CEP250: variants seen among roughly 807,000 people sequenced by gnomAD.
CEP250 encodes centrosome-associated protein CEP250.
In CEP250, 242 loss-of-function variants were observed where a neutral mutation model predicts 315.7. That is an observed-to-expected ratio of 0.77 (90% CI 0.69 to 0.85). CEP250 has a LOEUF of 0.85. Ranked by LOEUF, CEP250 falls within the 40% of genes least tolerant of loss-of-function variation. The pLI is 0.00. For missense variants in CEP250, 2,515 were observed against 2,886.4 expected (o/e 0.87, Z 2.95); for synonymous variants, 1,088 against 1,175.0 (o/e 0.93, Z 1.51).
At chr20:35,508,317 GTTT>G in intron 32 of CEP250, 127 bp downstream of exon 32, 2 of 838,000 alleles carry the variant, frequency 2.4e-6, no homozygotes, top group Non-Finnish European at 3.5e-6. Context: ...AATTAAGTTT[GTTT>G]TTTTTTTTCC....
At position 35,478,871 on chromosome 20, in the gene CEP250, A is replaced by C. The variant is rs2063252462; in HGVS notation, c.2095-360A>C. Reference sequence around the variant, plus strand: ...TCAAAGGTCATCTTTCTCCTCTACAAAACCTCTCATTGTCCTAATAATTGT... The same window carrying C: ...TCAAAGGTCATCTTTCTCCTCTACACAACCTCTCATTGTCCTAATAATTGT... On this transcript the variant is annotated intron_variant, in intron 17 of 34. Transcript: ENST00000397527. Among the ~76,000 whole-genome samples the C allele has an allele frequency of 2.0e-5, 3 of 152,070 alleles. No homozygotes were observed. In the South Asian group the frequency reaches 6.2e-4, roughly 32 times the overall value.
intron 9 of CEP250, 66 bp downstream of exon 9, chr20:35,467,621 G>A (rs988345278): frequency 1.3e-6 from 2 of 1,528,782 alleles, no homozygotes; most frequent in Admixed American, 1.9e-5. Context: ...GAGGGTTAGG[G>A]ACAGGCAGGG....
At chr20:35,472,009 T>G in intron 10 of CEP250, 41 bp from the exon 11 acceptor site, 1 of 1,205,408 alleles carries the variant, frequency 8.3e-7, no homozygotes, top group Non-Finnish European at 1.2e-6. Context: ...AATTCACTTT[T>G]GAGAGTTTGG....
At chr20:35,462,958 G>T (rs937615464) in intron 4 of CEP250, among the ~76,000 whole-genome samples, 5 of 152,062 alleles carry the variant, frequency 3.3e-5, no homozygotes. Context: ...AATTCACAAG[G>T]GTTAAGTTAA....
At chr20:35,472,007 T>C (rs1417085436) in intron 10 of CEP250, 43 bp from the exon 11 acceptor site, 2 of 1,192,942 alleles carry the variant, frequency 1.7e-6, no homozygotes, top group East Asian at 2.3e-5. Context: ...TAAATTCACT[T>C]TTGAGAGTTT....
In CEP250 at chr20:35,502,577, A is replaced by C. The variant is rs1317802177; in HGVS notation, c.4208A>C (p.Gln1403Pro). 2.5e-6 allele frequency: 4 copies of C among 1,614,244 alleles called. No homozygotes were observed. The highest frequency in any genetic ancestry group is 1.7e-5 in the Admixed American group (1 of 60,022). Residue 1403 changes from glutamine to proline, a missense_variant, in exon 30 of 35, where the codon CAG becomes CCG. Coordinates refer to ENST00000397527, the MANE Select transcript of CEP250 (RefSeq NM_007186.6). ...EEVESERERA[Q>P]ALQEQGELKV... ...GTAGAGAGTGAGCGTGAGAGAGCCC[A>C]GGCTCTGCAAGAGCAGGGCGAACTG...
Position 35,511,770 on chromosome 20 carries a change from G to A in CEP250, c.*144G>A, listed in dbSNP as rs1334783842. ...CGGCGGGTGTTCCCAGGAAGAGGAA[G>A]TAAATCTGCAACCCTGGGGAGGACC... On this transcript the variant is annotated 3_prime_UTR_variant, in exon 35 of 35. Transcript: ENST00000397527. The A allele has an allele frequency of 2.8e-6, 4 of 1,425,950 alleles. No individual in the cohort carries two copies. Among genetic ancestry groups the A allele is most frequent in the Non-Finnish European group, 3.7e-6 (4 of 1,093,548 alleles). The allele number at this position is 1,425,950 out of a possible 1,614,324, so 88.3% of individuals were successfully genotyped here.
chr20:35,467,239 G>C, intron 8 of CEP250, 65 bp from the exon 9 acceptor site: 1 of 1,563,372 alleles, frequency 6.4e-7, no homozygotes, highest in Non-Finnish European at 8.7e-7. Context: ...GCTTCACTGG[G>C]CCTGATCACC....
Position 35,515,240 on chromosome 20 carries a change from G to A in CEP250, c.*3614G>A, listed in dbSNP as rs1354464458. On this transcript the variant is annotated 3_prime_UTR_variant, in exon 35 of 35. Coordinates refer to ENST00000397527, the MANE Select transcript of CEP250 (RefSeq NM_007186.6). The stretch of plus-strand genomic sequence containing the variant: ...ACTCACCCCTGGTTCCAGTACCAAG[G>A]AAAGGCTGGAGCCATTGCAACTGGA... The A allele has an allele frequency of 6.6e-6, 1 of 152,380 alleles. No individual in the cohort carries two copies. Among genetic ancestry groups the A allele is most frequent in the Non-Finnish European group, 1.5e-5 (1 of 68,190 alleles). The allele number at this position is 152,380 out of a possible 1,614,324, so 9.4% of individuals were successfully genotyped here.
chr20:35,466,892 GGAATC>G, intron 7 of CEP250, 69 bp from the exon 8 acceptor site: 2 of 884,064 alleles, frequency 2.3e-6, no homozygotes, highest in Non-Finnish European at 3.8e-6. Context: ...GTAGTCAGGA[GGAATC>G]CAAGACTCTT....
chr20:35,465,695 G>C, intron 5 of CEP250, 48 bp from the exon 6 acceptor site: 1 of 1,410,632 alleles, frequency 7.1e-7, no homozygotes, highest in Non-Finnish European at 9.7e-7. Context: ...ACTGGTCTGA[G>C]TGATGTTCTC....
At position 35,462,344 on chromosome 20, in the gene CEP250, G is replaced by A. The variant is rs780133224; in HGVS notation, c.-24G>A. ...ACACCCTCTGGCTACCTAGGGACCT[G>A]TGGGCCTACCACCTGGTGCCCTCAT... On this transcript the variant is annotated 5_prime_UTR_variant, in exon 4 of 35. In the 5' UTR this introduces an upstream ATG that the reference lacks. Coordinates refer to ENST00000397527, the MANE Select transcript of CEP250 (RefSeq NM_007186.6). The A allele has an allele frequency of 1.3e-6, 2 of 1,553,506 alleles. No individual in the cohort carries two copies. The highest frequency in any genetic ancestry group is 2.4e-5 in the South Asian group (2 of 85,008).
intron 27 of CEP250, 84 bp from the exon 28 acceptor site, chr20:35,499,965 C>A: frequency 6.4e-7 from 1 of 1,563,928 alleles, no homozygotes; most frequent in Non-Finnish European, 8.7e-7. Flanking sequence ...ACCACAGAAG[C>A]TGAGAATGAG....
In CEP250 at chr20:35,482,531, G is replaced by A. The variant is rs571975972; in HGVS notation, c.2586+2386G>A. Among the ~76,000 whole-genome samples the A allele has an allele frequency of 1.8e-4, 27 of 148,300 alleles. No homozygotes were observed. In the South Asian group the frequency reaches 5.0e-3, roughly 27 times the overall value. On this transcript the variant is annotated intron_variant, in intron 20 of 34. Transcript: ENST00000397527. ...TGGGATTACAGGCGTGAGCCACCGT[G>A]CCCGGCTATTTATTTTTTTATATTT...
Position 35,468,875 on chromosome 20 carries a change from CTA to C in CEP250, c.852-1013_852-1012del, listed in dbSNP as rs1380899097. ...ATTTTTTTGTAGAGACGGGGTCTCACTATGTTTCCCAGGCCGGTCTGGAACTC... is the reference window on the plus strand; with the variant it reads ...ATTTTTTTGTAGAGACGGGGTCTCACTGTTTCCCAGGCCGGTCTGGAACTC... On this transcript the variant is annotated intron_variant, in intron 9 of 34. Coordinates refer to ENST00000397527, the MANE Select transcript of CEP250 (RefSeq NM_007186.6). 2.6e-5 allele frequency among the ~76,000 whole-genome samples: 4 copies of C among 151,960 alleles called. No homozygotes were observed. The East Asian group carries it at 7.8e-4, about 29-fold the overall frequency.
At chr20:35,466,909 T>C (rs112836240) in intron 7 of CEP250, 57 bp from the exon 8 acceptor site, 15 of 1,095,352 alleles carry the variant, frequency 1.4e-5, no homozygotes, top group African/African-American at 7.7e-5. Flanking sequence ...AAGACTCTTG[T>C]GTTGGCAAAA....
intron 9 of CEP250, among the ~76,000 whole-genome samples, chr20:35,468,953 C>A (rs224357): frequency 1 from 151,645 of 152,312 alleles, 75,496 homozygotes; most frequent in Middle Eastern, 1. Context: ...CTAGGATTAC[C>A]GGTTGAGCCA....
chr20:35,504,456 G>A lies in CEP250; in HGVS notation c.6087G>A (p.Gln2029=). 1 of 1,612,638 alleles carries A rather than the reference G, an allele frequency of 6.2e-7. No individual in the cohort carries two copies. Among genetic ancestry groups the A allele is most frequent in the Non-Finnish European group, 8.5e-7 (1 of 1,179,370 alleles). The change falls in exon 30 of 35, where the codon CAG becomes CAA. Residue 2029 remains glutamine (Q), a synonymous_variant. Transcript: ENST00000397527. Reference sequence around the variant, plus strand: ...TACAAGAAGGTGAGATCCAGGACCAGGATCTCCGATACCAGGAGGATGTGC... The same window carrying A: ...TACAAGAAGGTGAGATCCAGGACCAAGATCTCCGATACCAGGAGGATGTGC... ...LRIQEGEIQD[Q]DLRYQEDVQQ... is the part of the protein sequence containing the mutation.
At chr20:35,498,541 G>C (rs979178386) in intron 26 of CEP250, 54 bp from the exon 27 acceptor site, 1 of 1,596,506 alleles carries the variant, frequency 6.3e-7, no homozygotes, top group Non-Finnish European at 8.5e-7. Context: ...GAGAGGTCTG[G>C]CTGTTTCTTT....
Sources: allele counts gnomAD v4.1 joint callset (sites outside exome capture counted in the v4.1 genomes callset), GRCh38; gene constraint gnomAD v4.1.1; transcripts MANE v1.5; gene names NCBI Gene and HGNC (gene_info 2026-07-23, HGNC 2026-07-21).